GLI2: variants seen among roughly 807,000 people sequenced by gnomAD.
The protein encoded by GLI2 is transcription activator GLI2.
In GLI2, 22 loss-of-function variants were observed where a neutral mutation model predicts 78.9. The ratio of observed to expected loss-of-function variants is 0.28; its 90% CI spans 0.20 to 0.40. GLI2 has a LOEUF of 0.40. Ranked by LOEUF, GLI2 falls within the 10% of genes least tolerant of loss-of-function variation. GLI2 has a pLI of 1.00. For missense variants in GLI2, 2,097 were observed against 2,213.2 expected, an observed-to-expected ratio of 0.95 and a Z score of 1.05; for synonymous variants, 974 against 963.7, an observed-to-expected ratio of 1.01 and a Z score of -0.20.
chr2:120,955,970 C>A (rs1348986873), intron 5 of GLI2, among the ~76,000 whole-genome samples: 3 of 152,054 alleles, frequency 2.0e-5, no homozygotes, highest in Non-Finnish European at 4.4e-5. Context: ...GGGGTGAGGC[C>A]AGAGTTTCCA....
intron 2 of GLI2, among the ~76,000 whole-genome samples, chr2:120,852,535 G>A (rs75663820): frequency 5.3e-5 from 8 of 152,154 alleles, no homozygotes; most frequent in Non-Finnish European, 1.2e-4. Context: ...CTGAGGGATG[G>A]CATCCAGGAC....
At position 120,797,285 on chromosome 2, in the gene GLI2, T is replaced by C; in HGVS notation, c.-30-6T>C. 1 of 1,612,644 alleles carries C rather than the reference T, an allele frequency of 6.2e-7. No homozygotes were observed. The highest frequency in any genetic ancestry group is 8.5e-7 in the Non-Finnish European group (1 of 1,178,856). The stretch of plus-strand genomic sequence containing the variant: ...TGTTGGTGAGTGTCTTTGTCTTCTC[T>C]TTTAGGATTGCCACCCAGGACGATG... On this transcript the variant is annotated splice_polypyrimidine_tract_variant and splice_region_variant and intron_variant, in intron 1 of 13. Transcript: ENST00000361492.
chr2:120,795,271 T>C (rs1176137953), intron 1 of GLI2, among the ~76,000 whole-genome samples: 1 of 151,498 alleles, frequency 6.6e-6, no homozygotes, highest in South Asian at 2.1e-4. Flanking sequence ...CCTGCAGTCC[T>C]AGCACTTTGG....
At chr2:120,982,608 C>T (rs1417917412) in intron 10 of GLI2, 108 bp from the exon 11 acceptor site, 15 of 845,102 alleles carry the variant, frequency 1.8e-5, no homozygotes, top group Admixed American at 1.2e-4. Flanking sequence ...CTTCTGAGTG[C>T]GCTGACGGGT....
intron 2 of GLI2, among the ~76,000 whole-genome samples, chr2:120,805,818 A>C (rs1301412599): frequency 6.6e-6 from 1 of 152,228 alleles, no homozygotes; most frequent in Non-Finnish European, 1.5e-5. Context: ...GCTTGGTAAA[A>C]ATACAGCCTC....
chr2:120,880,842 A>T (rs141117320), intron 2 of GLI2, among the ~76,000 whole-genome samples: 1 of 152,298 alleles, frequency 6.6e-6, no homozygotes, highest in African/African-American at 2.4e-5. Context: ...GGGGTGTTGA[A>T]TAATTGTTTT....
intron 5 of GLI2, among the ~76,000 whole-genome samples, chr2:120,957,285 A>G (rs1032958799): frequency 6.6e-6 from 1 of 152,100 alleles, no homozygotes; most frequent in Non-Finnish European, 1.5e-5. Flanking sequence ...AGAATTAAGC[A>G]CACCATCCAG....
At chr2:120,874,941 G>A (rs374924998) in intron 2 of GLI2, among the ~76,000 whole-genome samples, 133 of 152,316 alleles carry the variant, frequency 8.7e-4, no homozygotes, top group African/African-American at 3.1e-3. Context: ...ACTTGGGGGT[G>A]TCAAGCAAAC....
chr2:120,890,506 C>T (rs994856055), intron 2 of GLI2, among the ~76,000 whole-genome samples: 11 of 151,950 alleles, frequency 7.2e-5, no homozygotes, highest in South Asian at 2.1e-4. Flanking sequence ...TACATACCTG[C>T]GTGCAAGTAA....
chr2:120,923,069 C>T (rs72955380), intron 2 of GLI2, among the ~76,000 whole-genome samples: 4,603 of 151,740 alleles, frequency 0.03, 278 homozygotes, highest in African/African-American at 0.11. Flanking sequence ...ACACATATGG[C>T]ACACACACAC....
chr2:120,900,078 T>C (rs1346926883), intron 2 of GLI2, among the ~76,000 whole-genome samples: 4 of 152,184 alleles, frequency 2.6e-5, no homozygotes, highest in African/African-American at 9.7e-5. Context: ...AAGTTTGCTT[T>C]ACTTTGAGTT....
Position 120,823,142 on chromosome 2 carries a change from C to T in GLI2, c.148+25674C>T, listed in dbSNP as rs187100607. 8.1e-4 allele frequency among the ~76,000 whole-genome samples: 123 copies of T among 152,322 alleles called. 1 individual carries two copies. The highest frequency in any genetic ancestry group is 2.0e-3 in the Admixed American group (30 of 15,298). ...CTGTGTTTGACATGCAGCGGCCGCA[C>T]ACCGTCTTTGGTATGCCGTTTGGTC... On this transcript the variant is annotated intron_variant, in intron 2 of 13. Coordinates refer to ENST00000361492, the MANE Select transcript of GLI2 (RefSeq NM_001374353.1).
At chr2:120,884,284 G>A (rs768620250) in intron 2 of GLI2, among the ~76,000 whole-genome samples, 5 of 152,186 alleles carry the variant, frequency 3.3e-5, no homozygotes, top group African/African-American at 1.2e-4. Context: ...GAGGCTGCGC[G>A]CCCATGTGCG....
chr2:120,879,440 AGT>A (rs1676994999), intron 2 of GLI2, among the ~76,000 whole-genome samples: 1 of 152,212 alleles, frequency 6.6e-6, no homozygotes, highest in Admixed American at 6.5e-5. Flanking sequence ...GGAGCCCCAG[AGT>A]GAACATAGAG....
intron 2 of GLI2, among the ~76,000 whole-genome samples, chr2:120,889,332 A>G (rs277532): frequency 0.072 from 10,894 of 152,254 alleles, 1,038 homozygotes; most frequent in African/African-American, 0.22. Flanking sequence ...CACCTTGGGT[A>G]GTAAAGGTGG....
rs915973859 is a variant in GLI2 at position 120,923,772 on chromosome 2, C to T, written c.149-3589C>T. ...CGCACTGCACATACTCACACATGCACGTGCAGCACACACATATACATACCC... is the reference window on the plus strand; with the variant it reads ...CGCACTGCACATACTCACACATGCATGTGCAGCACACACATATACATACCC... On this transcript the variant is annotated intron_variant, in intron 2 of 13. Coordinates refer to ENST00000361492, the MANE Select transcript of GLI2 (RefSeq NM_001374353.1). Among the ~76,000 whole-genome samples, 26 of 152,048 alleles carry T rather than the reference C, an allele frequency of 1.7e-4. 1 individual carries two copies. Among genetic ancestry groups the T allele is most frequent in the Admixed American group, 1.4e-3 (22 of 15,256 alleles).
At position 120,743,452 on chromosome 2, in the gene GLI2, AAT is replaced by A. The variant is rs201598497; in HGVS notation, c.-31+7169_-31+7170del. ...TACCCTGTCTCTACAAAAAAATAAA[AAT>A]AAAAAAAGAAATCATCTTAAGAGCC... On this transcript the variant is annotated intron_variant, in intron 1 of 13. Coordinates refer to ENST00000361492, the MANE Select transcript of GLI2 (RefSeq NM_001374353.1). Among the ~76,000 whole-genome samples, 406 of 149,836 alleles carry A rather than the reference AAT, an allele frequency of 2.7e-3. 4 individuals are homozygous for A. Among genetic ancestry groups the A allele is most frequent in the African/African-American group, 9.2e-3 (381 of 41,460 alleles).
At chr2:120,880,354 A>T (rs1424110137) in intron 2 of GLI2, among the ~76,000 whole-genome samples, 3 of 152,162 alleles carry the variant, frequency 2.0e-5, no homozygotes, top group Non-Finnish European at 4.4e-5. Context: ...CTTTTCATTC[A>T]GGTTTAAGGC....
intron 3 of GLI2, among the ~76,000 whole-genome samples, chr2:120,943,863 G>A (rs1366360410): frequency 1.3e-5 from 2 of 152,180 alleles, no homozygotes; most frequent in Non-Finnish European, 2.9e-5. Context: ...AGCAGGCACC[G>A]AGGCTGGGGT....
Sources: gnomAD v4.1 joint callset for allele counts (sites outside exome capture counted in the v4.1 genomes callset) on GRCh38, gnomAD v4.1.1 for gene constraint, MANE v1.5 for transcripts, NCBI Gene and HGNC (gene_info 2026-07-23, HGNC 2026-07-21) for gene names.